EBF2: variants seen among roughly 807,000 people sequenced by gnomAD.
EBF2 encodes transcription factor COE2.
In EBF2, 21 loss-of-function variants were observed where a neutral mutation model predicts 72.8. The ratio of observed to expected loss-of-function variants is 0.29; its 90% CI spans 0.20 to 0.42. The LOEUF (loss-of-function observed/expected upper bound fraction) is 0.42, where lower values mean the gene tolerates loss of function less well. EBF2 is among the 10% of genes least tolerant of loss of function. The probability of loss-of-function intolerance (pLI) is 1.00; values close to 1 mark genes in which losing one functional copy is unlikely to be tolerated. For synonymous variants in EBF2, 299 were observed against 274.2 expected, an observed-to-expected ratio of 1.09 and a Z score of -0.89; for missense variants, 637 against 731.2, an observed-to-expected ratio of 0.87 and a Z score of 1.49.
At chr8:25,857,540 TC>T (rs1343093980) in intron 14 of EBF2, among the ~76,000 whole-genome samples, 1 of 152,126 alleles carries the variant, frequency 6.6e-6, no homozygotes, top group Non-Finnish European at 1.5e-5. Flanking sequence ...TGTCAGCTTG[TC>T]CCCTGGCCTA....
At chr8:25,879,009 T>C (rs1216094472) in intron 10 of EBF2, among the ~76,000 whole-genome samples, 2 of 152,276 alleles carry the variant, frequency 1.3e-5, no homozygotes, top group Middle Eastern at 3.4e-3. Context: ...TTTTAAATTT[T>C]AAATTATTTA....
At chr8:25,858,967 G>A (rs1802157116) in intron 13 of EBF2, among the ~76,000 whole-genome samples, 2 of 151,984 alleles carry the variant, frequency 1.3e-5, no homozygotes, top group African/African-American at 4.8e-5. Context: ...CCCATCTTCA[G>A]CCTTTTATAC....
In EBF2 at chr8:26,040,998, T is replaced by A; in HGVS notation, c.293A>T (p.Gln98Leu). ...FVDFVENDKEQGNEKTNNGTH... is the reference protein window; with the variant it reads ...FVDFVENDKELGNEKTNNGTH... ...GCCGTTGTTGGTCTTCTCGTTGCCT[T>A]GTTCCTGAAAAGACAGGCAGCGTTC... Residue 98 changes from glutamine to leucine, a missense_variant, in exon 3 of 16, where the codon CAA (glutamine) becomes CTA (leucine). This residue lies in a region of EBF2 where 174 missense variants were observed against 161.9 expected (regional missense o/e 1.07). Coordinates refer to ENST00000520164, the MANE Select transcript of EBF2 (RefSeq NM_022659.4). 1.2e-6 allele frequency: 2 copies of A among 1,614,158 alleles called. No homozygotes were observed. Among genetic ancestry groups the A allele is most frequent in the Non-Finnish European group, 8.5e-7 (1 of 1,180,026 alleles).
Position 25,974,681 on chromosome 8 carries a change from G to A in EBF2, c.551+58404C>T, listed in dbSNP as rs193015495. 5.1e-4 allele frequency among the ~76,000 whole-genome samples: 77 copies of A among 152,192 alleles called. No individual in the cohort carries two copies. In the East Asian group the frequency reaches 0.012, roughly 24 times the overall value. On this transcript the variant is annotated intron_variant, in intron 6 of 15. Transcript: ENST00000520164. ...AATATACAAATATAGTAACAATAAA[G>A]ACACTGGAACTTGGACGGCAAAATA...
intron 6 of EBF2, among the ~76,000 whole-genome samples, chr8:26,002,787 G>T (rs1303114101): frequency 6.6e-6 from 1 of 152,060 alleles, no homozygotes; most frequent in African/African-American, 2.4e-5. Flanking sequence ...TCAGAATGTG[G>T]CTGCTTGTGG....
At chr8:26,005,947 C>G (rs1034350393) in intron 6 of EBF2, among the ~76,000 whole-genome samples, 3 of 151,948 alleles carry the variant, frequency 2.0e-5, no homozygotes, top group Non-Finnish European at 4.4e-5. Context: ...TTAAAATGGT[C>G]AGGGCCTCCA....
At chr8:25,964,578 T>C (rs1804085435) in intron 6 of EBF2, among the ~76,000 whole-genome samples, 4 of 152,212 alleles carry the variant, frequency 2.6e-5, no homozygotes, top group Non-Finnish European at 5.9e-5. Flanking sequence ...CCATGTTTAA[T>C]GGGAGCGCCA....
rs188866808 is a variant in EBF2 at position 25,916,658 on chromosome 8, T to A, written c.552-8103A>T. ...TAGTAAAAGAAAAAAAAACCACACA[T>A]GTCATTAATCCACTCTCACAGATAG... On this transcript the variant is annotated intron_variant, in intron 6 of 15. Coordinates refer to ENST00000520164, the MANE Select transcript of EBF2 (RefSeq NM_022659.4). Among the ~76,000 whole-genome samples the A allele has an allele frequency of 9.2e-5, 14 of 152,020 alleles. No individual in the cohort carries two copies. The East Asian group carries it at 2.7e-3, about 29-fold the overall frequency.
At chr8:25,896,602 A>T (rs961282821) in intron 7 of EBF2, among the ~76,000 whole-genome samples, 1 of 152,232 alleles carries the variant, frequency 6.6e-6, no homozygotes, top group African/African-American at 2.4e-5. Context: ...TTCCCAAAGC[A>T]TAACTGTTAT....
At chr8:25,966,970 G>C (rs1804125199) in intron 6 of EBF2, among the ~76,000 whole-genome samples, 1 of 152,144 alleles carries the variant, frequency 6.6e-6, no homozygotes, top group Non-Finnish European at 1.5e-5. Flanking sequence ...ATAAATCCTA[G>C]AGCCAATGTC....
intron 6 of EBF2, among the ~76,000 whole-genome samples, chr8:26,010,394 A>G (rs976782552): frequency 6.6e-6 from 1 of 152,132 alleles, no homozygotes; most frequent in Non-Finnish European, 1.5e-5. Context: ...ACGGCACAAC[A>G]CACAGATTTA....
At chr8:25,971,359 T>G (rs1384695746) in intron 6 of EBF2, among the ~76,000 whole-genome samples, 1 of 152,214 alleles carries the variant, frequency 6.6e-6, no homozygotes, top group African/African-American at 2.4e-5. Context: ...CAGTCTCATT[T>G]TGCAGATCCG....
chr8:25,872,794 C>T (rs1802462609), intron 10 of EBF2, among the ~76,000 whole-genome samples: 1 of 152,170 alleles, frequency 6.6e-6, no homozygotes, highest in African/African-American at 2.4e-5. Context: ...GAAGAGAAAA[C>T]ATGCTTTAAC....
chr8:25,940,278 C>T (rs1012390190), intron 6 of EBF2, among the ~76,000 whole-genome samples: 4 of 152,174 alleles, frequency 2.6e-5, no homozygotes, highest in Admixed American at 2.6e-4. Context: ...TCTTCTGAGC[C>T]TCACAGTAGT....
At position 25,991,075 on chromosome 8, in the gene EBF2, G is replaced by A. The variant is rs145730434; in HGVS notation, c.551+42010C>T. Among the ~76,000 whole-genome samples the A allele has an allele frequency of 3.6e-3, 545 of 151,970 alleles. 9 individuals carry two copies. In the South Asian group the frequency reaches 0.037, roughly 10 times the overall value. ...TACAGTTTTCTCATCCAAGGATCTC[G>A]AAGCAATTTCTTGCAAAACTCGAGT... On this transcript the variant is annotated intron_variant, in intron 6 of 15. Coordinates refer to ENST00000520164, the MANE Select transcript of EBF2 (RefSeq NM_022659.4).
intron 5 of EBF2, among the ~76,000 whole-genome samples, chr8:26,035,531 T>G (rs1805486567): frequency 6.6e-6 from 1 of 152,180 alleles, no homozygotes; most frequent in African/African-American, 2.4e-5. Context: ...AATAAATATC[T>G]TAAAACTTTT....
Position 26,038,364 on chromosome 8 carries a change from G to A in EBF2, c.482+1664C>T, listed in dbSNP as rs535308857. Among the ~76,000 whole-genome samples the A allele has an allele frequency of 3.3e-5, 5 of 152,252 alleles. No homozygotes were observed. In the East Asian group the frequency reaches 7.7e-4, roughly 23 times the overall value. On this transcript the variant is annotated intron_variant, in intron 5 of 15. Coordinates refer to ENST00000520164, the MANE Select transcript of EBF2 (RefSeq NM_022659.4). ...GTTACTAATGCAGACTAAACTAGAG[G>A]CTTTAAAAATTGATGCTGCTACTTA...
chr8:26,026,290 A>G (rs1258642592), intron 6 of EBF2, among the ~76,000 whole-genome samples: 1 of 152,180 alleles, frequency 6.6e-6, no homozygotes, highest in Non-Finnish European at 1.5e-5. Flanking sequence ...ATATATTAAT[A>G]ACTCCGGTAA....
At chr8:26,005,163 G>T in intron 6 of EBF2, among the ~76,000 whole-genome samples, 1 of 132,972 alleles carries the variant, frequency 7.5e-6, no homozygotes. Flanking sequence ...ATGGAACACT[G>T]CTAAGAAGTT....
Sources: gnomAD v4.1 joint callset for allele counts (sites outside exome capture counted in the v4.1 genomes callset) on GRCh38, gnomAD v4.1.1 for gene constraint, gnomAD v4.1.1 regional missense constraint, MANE v1.5 for transcripts, NCBI Gene and HGNC (gene_info 2026-07-23, HGNC 2026-07-21) for gene names.